RNASET2: variants seen among roughly 807,000 people sequenced by gnomAD.
RNASET2 encodes ribonuclease 6.
Under a neutral mutation model 33.9 loss-of-function variants are expected in RNASET2, and 28 were observed. The ratio of observed to expected loss-of-function variants is 0.83; its 90% CI spans 0.61 to 1.13. The LOEUF (loss-of-function observed/expected upper bound fraction) is 1.13. Ranked by LOEUF, RNASET2 falls within the 50% of genes most tolerant of loss-of-function variation. The pLI is 0.00. For synonymous variants in RNASET2, 123 were observed against 121.0 expected, an observed-to-expected ratio of 1.02 and a Z score of -0.11; for missense variants, 330 against 319.9, an observed-to-expected ratio of 1.03 and a Z score of -0.24.
At chr6:166,952,674 T>G (rs552672001) in intron 1 of RNASET2, 126 bp from the exon 2 acceptor site, 12 of 756,538 alleles carry the variant, frequency 1.6e-5, no homozygotes, top group Non-Finnish European at 2.1e-5. Flanking sequence ...GAACACTGCC[T>G]GCCCTGCTGC....
chr6:166,932,780 T>C (rs1008324239), intron 7 of RNASET2: 5 of 152,298 alleles, frequency 3.3e-5, no homozygotes, highest in Non-Finnish European at 7.3e-5. Flanking sequence ...GCCACCCCTG[T>C]AATCAGTTCC....
chr6:166,934,314 G>A, intron 6 of RNASET2, 178 bp from the exon 7 acceptor site: 3 of 621,548 alleles, frequency 4.8e-6, no homozygotes, highest in South Asian at 1.8e-5. Context: ...CCCAGTCCCC[G>A]CCTTCCCCAC....
chr6:166,946,825 T>C (rs1194639511), intron 3 of RNASET2, 86 bp from the exon 4 acceptor site: 9 of 773,962 alleles, frequency 1.2e-5, no homozygotes, highest in Non-Finnish European at 2.1e-5. Flanking sequence ...ACACTTTCAT[T>C]GAAGTCTGCA....
At chr6:166,956,067 C>T (rs1189272083) in intron 1 of RNASET2, 30 bp downstream of exon 1, 3 of 1,546,616 alleles carry the variant, frequency 1.9e-6, no homozygotes, top group Non-Finnish European at 2.6e-6. Context: ...GGCTCCCACG[C>T]TCCCCACTTT....
At chr6:166,937,453 C>A (rs1055448165) in intron 6 of RNASET2, among the ~76,000 whole-genome samples, 1 of 152,136 alleles carries the variant, frequency 6.6e-6, no homozygotes, top group Non-Finnish European at 1.5e-5. Flanking sequence ...GATTTCTGAA[C>A]AGCTAATTAG....
intron 4 of RNASET2, 176 bp from the exon 5 acceptor site, chr6:166,943,265 C>A: frequency 1.8e-6 from 1 of 551,066 alleles, no homozygotes; most frequent in Non-Finnish European, 3.3e-6. Flanking sequence ...GATATATCTA[C>A]AAGTGCAATT....
At chr6:166,952,762 G>A (rs1208272543) in intron 1 of RNASET2, 7 of 547,892 alleles carry the variant, frequency 1.3e-5, no homozygotes, top group East Asian at 3.3e-5. Flanking sequence ...GCTGAGTGGC[G>A]GAGAACATGA....
chr6:166,932,681 C>G (rs181886794), intron 7 of RNASET2: 1 of 152,214 alleles, frequency 6.6e-6, no homozygotes, highest in Non-Finnish European at 1.5e-5. Context: ...GACAGGACTC[C>G]GAGTATCCAC....
Sources: gnomAD v4.1 joint callset for allele counts (sites outside exome capture counted in the v4.1 genomes callset) on GRCh38, gnomAD v4.1.1 for gene constraint, MANE v1.5 for transcripts, NCBI Gene and HGNC (gene_info 2026-07-23, HGNC 2026-07-21) for gene names.